The following SLC39A11 variants were observed in gnomAD, a reference collection of about 807,000 sequenced individuals.
SLC39A11 encodes zinc transporter ZIP11.
In SLC39A11, 33 loss-of-function variants were observed where a neutral mutation model predicts 36.1. The ratio of observed to expected loss-of-function variants is 0.91; its 90% confidence interval spans 0.69 to 1.22. The LOEUF (loss-of-function observed/expected upper bound fraction) is 1.22. SLC39A11 is among the 50% of genes most tolerant of loss of function. The pLI is 0.00. For synonymous variants in SLC39A11, 166 were observed against 170.3 expected, an observed-to-expected ratio of 0.97 and a Z score of 0.20; for missense variants, 432 against 430.3, an observed-to-expected ratio of 1.00 and a Z score of -0.03.
At chr17:72,845,500 A>C (rs148190443) in intron 6 of SLC39A11, among the ~76,000 whole-genome samples, 1 of 152,234 alleles carries the variant, frequency 6.6e-6, no homozygotes, top group East Asian at 1.9e-4. Context: ...GCCCCTCCCT[A>C]CCTACTCTAT....
intron 5 of SLC39A11, among the ~76,000 whole-genome samples, chr17:72,923,319 A>G (rs1489935187): frequency 6.6e-6 from 1 of 152,162 alleles, no homozygotes; most frequent in Admixed American, 6.5e-5. Context: ...AGTTTTAAGG[A>G]GTATCATAAA....
intron 6 of SLC39A11, among the ~76,000 whole-genome samples, chr17:72,761,524 C>G (rs888617506): frequency 6.6e-6 from 1 of 152,148 alleles, no homozygotes; most frequent in Non-Finnish European, 1.5e-5. Flanking sequence ...TGAGAACTTG[C>G]TATTTTTTAG....
At chr17:72,893,912 G>A (rs2146773444) in intron 5 of SLC39A11, among the ~76,000 whole-genome samples, 1 of 152,258 alleles carries the variant, frequency 6.6e-6, no homozygotes, top group South Asian at 2.1e-4. Flanking sequence ...TTTCCTCGAT[G>A]TCTGCTATAT....
chr17:73,061,909 T>C (rs1302810387), intron 3 of SLC39A11, among the ~76,000 whole-genome samples: 1 of 151,914 alleles, frequency 6.6e-6, no homozygotes, highest in African/African-American at 2.4e-5. Context: ...GGTGGGAGGA[T>C]CACTTGAGAC....
At chr17:72,818,760 T>C (rs574809814) in intron 6 of SLC39A11, 11 of 152,288 alleles carry the variant, frequency 7.2e-5, no homozygotes, top group Non-Finnish European at 1.2e-4. Flanking sequence ...CAACTACAGA[T>C]TGTCATCTCA....
intron 3 of SLC39A11, among the ~76,000 whole-genome samples, chr17:73,037,268 T>A (rs2058951639): frequency 6.6e-6 from 1 of 152,208 alleles, no homozygotes; most frequent in South Asian, 2.1e-4. Flanking sequence ...AATTGTTGGA[T>A]CCTATGATAA....
intron 6 of SLC39A11, among the ~76,000 whole-genome samples, chr17:72,828,230 AC>A (rs1266808556): frequency 6.6e-6 from 1 of 152,260 alleles, no homozygotes; most frequent in African/African-American, 2.4e-5. Flanking sequence ...TAACCAGCTG[AC>A]CCTGAGAGGA....
intron 5 of SLC39A11, among the ~76,000 whole-genome samples, chr17:72,895,480 G>A (rs2081982914): frequency 6.6e-6 from 1 of 152,104 alleles, no homozygotes; most frequent in Non-Finnish European, 1.5e-5. Flanking sequence ...ATGGGAGGCT[G>A]AGGCGGGAGA....
rs138742245 is a variant in SLC39A11 at position 72,859,673 on chromosome 17, C to G, written c.431-9869G>C. Among the ~76,000 whole-genome samples the G allele has an allele frequency of 5.2e-3, 784 of 151,116 alleles. 8 individuals are homozygous for G. The highest frequency in any genetic ancestry group is 0.018 in the African/African-American group (748 of 41,120). On this transcript the variant is annotated intron_variant, in intron 5 of 9. Coordinates refer to ENST00000255559, the MANE Select transcript of SLC39A11 (RefSeq NM_139177.4). The stretch of plus-strand genomic sequence containing the variant: ...TATGCAGGATGTGCTACATGGGCCA[C>G]GTGTAGCCCAGGGCAGGAGAAGATT...
rs994128986 is a variant in SLC39A11 at position 72,685,367 on chromosome 17, A to G, written c.672-36099T>C. On this transcript the variant is annotated intron_variant, in intron 7 of 9. Coordinates refer to ENST00000255559, the MANE Select transcript of SLC39A11 (RefSeq NM_139177.4). Reference sequence around the variant, plus strand: ...ACTGAAATTGAGATCTGAAGAATTAAAGGGGGAGGGGCGGTTGAGGGCAAA... The same window carrying G: ...ACTGAAATTGAGATCTGAAGAATTAGAGGGGGAGGGGCGGTTGAGGGCAAA... Among the ~76,000 whole-genome samples, 4 of 152,396 alleles carry G rather than the reference A, an allele frequency of 2.6e-5. No homozygotes were observed. In the East Asian group the frequency reaches 7.7e-4, roughly 29 times the overall value.
At chr17:72,935,235 G>T (rs779919164) in intron 5 of SLC39A11, among the ~76,000 whole-genome samples, 2 of 152,190 alleles carry the variant, frequency 1.3e-5, no homozygotes, top group Non-Finnish European at 2.9e-5. Context: ...TCTCTGAAAT[G>T]CATGACGCCA....
At chr17:72,856,887 G>C (rs1305807131) in intron 5 of SLC39A11, among the ~76,000 whole-genome samples, 1 of 152,054 alleles carries the variant, frequency 6.6e-6, no homozygotes, top group East Asian at 1.9e-4. Context: ...CACCATGTTG[G>C]CCAGGCTGGT....
chr17:72,903,017 AACACTTTGGGAG>A lies in SLC39A11; in HGVS notation c.430+44723_430+44734del, dbSNP rs562719936. Among the ~76,000 whole-genome samples the A allele has an allele frequency of 3.3e-5, 5 of 152,318 alleles. No homozygotes were observed. In the East Asian group the frequency reaches 9.6e-4, roughly 29 times the overall value. The stretch of plus-strand genomic sequence containing the variant: ...CTCGGCGGCTCATGCCTGTAATCCC[AACACTTTGGGAG>A]GCCAAGGTAAGTGGATCACCTGAGG... On this transcript the variant is annotated intron_variant, in intron 5 of 9. Coordinates refer to ENST00000255559, the MANE Select transcript of SLC39A11 (RefSeq NM_139177.4).
chr17:72,693,436 G>A (rs2072127601), intron 7 of SLC39A11, among the ~76,000 whole-genome samples: 1 of 152,238 alleles, frequency 6.6e-6, no homozygotes, highest in Non-Finnish European at 1.5e-5. Flanking sequence ...CAGCTGCCTT[G>A]ATGCCGGGTA....
intron 6 of SLC39A11, among the ~76,000 whole-genome samples, chr17:72,740,141 C>A (rs866890136): frequency 7.1e-6 from 1 of 141,668 alleles, no homozygotes; most frequent in South Asian, 2.3e-4. Context: ...CGGCTCACTG[C>A]AAGCTCCACC....
Position 72,876,339 on chromosome 17 carries a change from T to A in SLC39A11, c.431-26535A>T, listed in dbSNP as rs2080895487. The stretch of plus-strand genomic sequence containing the variant: ...CCCTGGCCCCAAAGCCAAAGTCAAG[T>A]ACAAAGAAGCCAAGGAAGCATGTTG... On this transcript the variant is annotated intron_variant, in intron 5 of 9. Coordinates refer to ENST00000255559, the MANE Select transcript of SLC39A11 (RefSeq NM_139177.4). Among the ~76,000 whole-genome samples the A allele has an allele frequency of 2.6e-5, 4 of 152,202 alleles. No homozygotes were observed. In the South Asian group the frequency reaches 8.3e-4, roughly 31 times the overall value.
At chr17:72,730,375 C>T (rs544981234) in intron 7 of SLC39A11, among the ~76,000 whole-genome samples, 1 of 152,292 alleles carries the variant, frequency 6.6e-6, no homozygotes, top group Non-Finnish European at 1.5e-5. Flanking sequence ...TTGTCTGAGA[C>T]AAAAATGTAA....
At chr17:72,919,030 T>C (rs2083486303) in intron 5 of SLC39A11, among the ~76,000 whole-genome samples, 1 of 152,082 alleles carries the variant, frequency 6.6e-6, no homozygotes, top group Non-Finnish European at 1.5e-5. Flanking sequence ...ACCACTGCAC[T>C]CCAGCCTGGG....
intron 6 of SLC39A11, among the ~76,000 whole-genome samples, chr17:72,755,241 A>C (rs559561311): frequency 6.6e-6 from 1 of 152,246 alleles, no homozygotes; most frequent in Non-Finnish European, 1.5e-5. Flanking sequence ...AAATGAAGGA[A>C]ACCTTTGCAA....
Sources: allele counts gnomAD v4.1 joint callset (sites outside exome capture counted in the v4.1 genomes callset), GRCh38; gene constraint gnomAD v4.1.1; transcripts MANE v1.5; gene names NCBI Gene and HGNC (gene_info 2026-07-23, HGNC 2026-07-21).